Variants in AGRN observed in about 807,000 individuals in gnomAD.
AGRN encodes the protein agrin proteoglycan.
A neutral mutation model predicts 211.0 loss-of-function variants in AGRN; 106 were observed. That is an observed-to-expected ratio of 0.50 (90% CI 0.43 to 0.59). The LOEUF (loss-of-function observed/expected upper bound fraction) is 0.59, where lower values mean the gene tolerates loss of function less well. Among genes scored for constraint, AGRN ranks in the 20% least tolerant of loss-of-function variants. AGRN has a pLI of 0.00. For synonymous variants in AGRN, 1,525 were observed against 1,332.5 expected (o/e 1.14, Z -3.15); for missense variants, 3,040 against 2,982.6 (o/e 1.02, Z -0.45).
chr1:1,046,300 A>G (rs540222309), intron 17 of AGRN, 35 bp downstream of exon 17: 4 of 1,612,328 alleles, frequency 2.5e-6, no homozygotes, highest in Non-Finnish European at 8.5e-7. Flanking sequence ...AGAACTGACC[A>G]GGAAGGCCTG....
In AGRN at chr1:1,048,345, G is replaced by T; in HGVS notation, c.4085G>T (p.Gly1362Val). The change falls in exon 23 of 36, where the codon GGA becomes GTA. Residue 1362 changes from glycine to valine, a missense_variant. By Grantham distance (109) the Gly-to-Val change is moderately radical (BLOSUM62 -3). This residue lies in a region of AGRN where 1,537 missense variants were observed against 1,505.0 expected (regional missense o/e 1.02). Coordinates refer to ENST00000379370, the MANE Select transcript of AGRN (RefSeq NM_198576.4). This position sits in a 1 kb window ranked among gnomAD's most constrained non-coding sequence, Gnocchi z 5.9. ...GFTCSCPAGR[G>V]GAVCEKVLGA... The stretch of plus-strand genomic sequence containing the variant: ...ACCTGCAGCTGCCCGGCAGGCAGGG[G>T]AGGCGCCGTCTGTGAGAAGGGTAAG... The T allele has an allele frequency of 8.2e-6, 12 of 1,468,850 alleles. No individual in the cohort carries two copies. The highest frequency in any genetic ancestry group is 9.9e-6 in the Non-Finnish European group (11 of 1,107,250). 91.0% of individuals were successfully genotyped at this position (1,468,850 alleles called of 1,614,324 possible).
At chr1:1,054,581 TGCCCAAGG>T in intron 35 of AGRN, 30 bp downstream of exon 35, 1 of 1,560,942 alleles carries the variant, frequency 6.4e-7, no homozygotes, top group Non-Finnish European at 8.7e-7. Flanking sequence ...TAGAGAGGGA[TGCCCAAGG>T]GTCTCATGAT....
chr1:1,034,435 A>G, intron 2 of AGRN: 1 of 985,718 alleles, frequency 1.0e-6, no homozygotes, highest in Non-Finnish European at 1.2e-6. Context: ...CTGAGGGCAC[A>G]GCTGCTGTCC....
At position 1,041,422 on chromosome 1, in the gene AGRN, C is replaced by T. The variant is rs773099124; in HGVS notation, c.952+25C>T. ...GGTGAGCGCGGCGGCGGGCGCACGGCTCGAGCTCTGTGGGCGCGCGGCGAC... is the reference window on the plus strand; with the variant it reads ...GGTGAGCGCGGCGGCGGGCGCACGGTTCGAGCTCTGTGGGCGCGCGGCGAC... On this transcript the variant is annotated intron_variant, in intron 5 of 35. Coordinates refer to ENST00000379370, the MANE Select transcript of AGRN (RefSeq NM_198576.4). 4.5e-6 allele frequency: 7 copies of T among 1,546,660 alleles called. No individual in the cohort carries two copies. The East Asian group carries it at 7.2e-5, about 16-fold the overall frequency.
intron 33 of AGRN, chr1:1,052,605 CATGT>C (rs1319708570): frequency 1.3e-5 from 2 of 157,228 alleles, no homozygotes; most frequent in East Asian, 1.9e-4. Context: ...CACATGGGTC[CATGT>C]ATGTGTGTGT....
chr1:1,049,398 C>T lies in AGRN; in HGVS notation c.4461C>T (p.Leu1487=). 1.3e-6 allele frequency: 2 copies of T among 1,599,064 alleles called. No individual in the cohort carries two copies. Among genetic ancestry groups the T allele is most frequent in the South Asian group, 2.2e-5 (2 of 91,074 alleles). ...LGESPSGTDG[L]NLDTDLFVGG... is the part of the protein sequence containing the mutation. ...AGAGTCCCAGTGGCACCGACGGCCT[C>T]AACCTGGACACAGACCTCTTTGTGG... The change falls in exon 25 of 36, where the codon CTC becomes CTT. Residue 1487 remains leucine (L), a synonymous_variant. Coordinates refer to ENST00000379370, the MANE Select transcript of AGRN (RefSeq NM_198576.4).
intron 2 of AGRN, chr1:1,034,493 A>C: frequency 2.0e-6 from 2 of 985,788 alleles, no homozygotes; most frequent in South Asian, 4.7e-5. Context: ...GAAGAGGCCC[A>C]AGGGCACCCC....
At position 1,050,567 on chromosome 1, in the gene AGRN, T is replaced by C; in HGVS notation, c.5117T>C (p.Leu1706Pro). The C allele has an allele frequency of 6.2e-7, 1 of 1,611,512 alleles. No individual in the cohort carries two copies. Among genetic ancestry groups the C allele is most frequent in the Non-Finnish European group, 8.5e-7 (1 of 1,179,154 alleles). ...CGCCGCCTGGAGTTCCGCTACGACC[T>C]GGGCAAGGGGGCAGCGGTCATCAGG... ...RDRRLEFRYD[L>P]GKGAAVIRSR... The change falls in exon 29 of 36, where the codon CTG (leucine) becomes CCG (proline). Residue 1706 changes from leucine to proline, a missense_variant. Transcript: ENST00000379370.
chr1:1,021,913 G>A (rs747543484), intron 1 of AGRN, among the ~76,000 whole-genome samples: 19 of 152,232 alleles, frequency 1.2e-4, no homozygotes, highest in African/African-American at 4.3e-4. Context: ...TCCCAAATTC[G>A]GCCTTAGCTG....
rs562644551 is a variant in AGRN, at chr1:1,046,421, C to T, written c.2936C>T (p.Pro979Leu). Residue 979 changes from proline (P) to leucine (L), a missense_variant, in exon 18 of 36, where the codon CCG becomes CTG. Pro to Leu is a moderately conservative substitution (Grantham distance 98). Coordinates refer to ENST00000379370, the MANE Select transcript of AGRN (RefSeq NM_198576.4). Reference sequence around the variant, plus strand: ...GAGGCTGTTGCTCCCAGCACTCACCCGACATCTGCCTCCGTGACTGTGACC... The same window carrying T: ...GAGGCTGTTGCTCCCAGCACTCACCTGACATCTGCCTCCGTGACTGTGACC... ...CQEAVAPSTHPTSASVTVTTP... is the reference protein window; with the variant it reads ...CQEAVAPSTHLTSASVTVTTP... 2.4e-5 allele frequency: 39 copies of T among 1,612,470 alleles called. No homozygotes were observed. Among genetic ancestry groups the T allele is most frequent in the South Asian group, 7.7e-5 (7 of 91,064 alleles).
intron 28 of AGRN, 43 bp from the exon 29 acceptor site, chr1:1,050,384 G>T (rs368524849): frequency 1.9e-6 from 3 of 1,612,690 alleles, no homozygotes; most frequent in Non-Finnish European, 2.5e-6. Flanking sequence ...TCTCTCCTGT[G>T]GGGAGGGGAC....
chr1:1,053,407 C>T, intron 33 of AGRN: 1 of 1,336,788 alleles, frequency 7.5e-7, no homozygotes, highest in Non-Finnish European at 9.8e-7. Context: ...GATGGGTTTG[C>T]ATTGGCCCCG....
At chr1:1,052,265 C>T in intron 33 of AGRN, 1 of 360,818 alleles carries the variant, frequency 2.8e-6, no homozygotes, top group Non-Finnish European at 5.5e-6. Flanking sequence ...TGCGCATATG[C>T]ATGCATGTCT....
At chr1:1,034,693 C>T in intron 2 of AGRN, 3 of 993,340 alleles carry the variant, frequency 3.0e-6, no homozygotes, top group Non-Finnish European at 3.6e-6. Context: ...TGCTGCTGTT[C>T]CTCAACAACT....
chr1:1,046,910 C>G lies in AGRN; in HGVS notation c.3341C>G (p.Ser1114Cys). 1.3e-6 allele frequency: 2 copies of G among 1,582,408 alleles called. No individual in the cohort carries two copies. The highest frequency in any genetic ancestry group is 1.7e-6 in the Non-Finnish European group (2 of 1,165,274). ...SCYNSALGCCSDGKTPSLDAE... is the reference protein window; with the variant it reads ...SCYNSALGCCCDGKTPSLDAE... ...TACAACTCCGCGTTGGGCTGCTGCTCTGATGGGAAGACGCCCTCGCTGGAC... is the reference window on the plus strand; with the variant it reads ...TACAACTCCGCGTTGGGCTGCTGCTGTGATGGGAAGACGCCCTCGCTGGAC... Residue 1114 changes from serine to cysteine, a missense_variant, in exon 19 of 36, where the codon TCT becomes TGT. Around this residue, in one of 3 missense-constraint regions of AGRN, gnomAD observed 1,537 missense variants for 1,505.0 expected, o/e 1.02. Transcript: ENST00000379370.
Position 1,022,597 on chromosome 1 carries a change from A to G in AGRN, c.463+135A>G, listed in dbSNP as rs1279536644. 6 of 788,546 alleles carry G rather than the reference A, an allele frequency of 7.6e-6. No individual in the cohort carries two copies. The East Asian group carries it at 1.6e-4, about 21-fold the overall frequency. The allele number at this position is 788,546 out of a possible 1,614,324, so 48.8% of individuals were successfully genotyped here. ...GCAGCACACGGTGTCTTGTGGTCCA[A>G]CCTCATTCTCTGCTTCTCCGTCCCT... On this transcript the variant is annotated intron_variant, in intron 2 of 35. Coordinates refer to ENST00000379370, the MANE Select transcript of AGRN (RefSeq NM_198576.4).
intron 19 of AGRN, 112 bp from the exon 20 acceptor site, chr1:1,047,211 TCTGA>T: frequency 1.3e-6 from 2 of 1,489,872 alleles, no homozygotes; most frequent in Non-Finnish European, 1.8e-6. Context: ...CTCATGACCA[TCTGA>T]CTAACATCCA....
intron 2 of AGRN, among the ~76,000 whole-genome samples, chr1:1,024,379 C>A (rs1326632046): frequency 2.0e-5 from 3 of 151,994 alleles, no homozygotes; most frequent in Admixed American, 2.0e-4. Context: ...CCACCCTGGG[C>A]CCTCTGGTAG....
In AGRN at chr1:1,031,270, G is replaced by A. The variant is rs1557690256; in HGVS notation, c.464-4007G>A. ...GTGTGTGTGCAGTGCATGGTGCTGAGTGTGAGATCAGCATGTGTGTGTATG... is the reference window on the plus strand; with the variant it reads ...GTGTGTGTGCAGTGCATGGTGCTGAATGTGAGATCAGCATGTGTGTGTATG... On this transcript the variant is annotated intron_variant, in intron 2 of 35. Coordinates refer to ENST00000379370, the MANE Select transcript of AGRN (RefSeq NM_198576.4). The surrounding 1 kb of genome is among the most constrained non-coding windows in gnomAD (Gnocchi z 4.8). Among the ~76,000 whole-genome samples the A allele has an allele frequency of 6.7e-6, 1 of 149,792 alleles. No individual in the cohort carries two copies. The highest frequency in any genetic ancestry group is 1.5e-5 in the Non-Finnish European group (1 of 67,132).
Sources: allele counts gnomAD v4.1 joint callset (sites outside exome capture counted in the v4.1 genomes callset), GRCh38; gene constraint gnomAD v4.1.1; regional missense constraint gnomAD v4.1.1; non-coding constraint Gnocchi (gnomAD v3.1); transcripts MANE v1.5; gene names NCBI Gene and HGNC (gene_info 2026-07-23, HGNC 2026-07-21).